PAN3: variants seen among roughly 807,000 people sequenced by gnomAD.
PAN3 encodes the protein poly(A) specific ribonuclease subunit PAN3.
Under a neutral mutation model 96.2 loss-of-function variants are expected in PAN3, and 19 were observed. The ratio of observed to expected loss-of-function variants is 0.20; its 90% CI spans 0.14 to 0.29. PAN3 has a LOEUF of 0.29. Ranked by LOEUF, PAN3 falls within the 10% of genes least tolerant of loss-of-function variation. The pLI is 1.00. For synonymous variants in PAN3, 433 were observed against 406.6 expected (o/e 1.06, Z -0.78); for missense variants, 882 against 1,108.1 (o/e 0.80, Z 2.90).
At chr13:28,164,092 A>C (rs560510509) in intron 1 of PAN3, among the ~76,000 whole-genome samples, 3 of 152,326 alleles carry the variant, frequency 2.0e-5, no homozygotes, top group East Asian at 1.9e-4. Context: ...TCTCAAAAAC[A>C]AAACCAAACC....
Position 28,141,003 on chromosome 13 carries a change from C to CTTTTTATTT in PAN3, c.430+1921_430+1922insATTTTTTTT, listed in dbSNP as rs1424709117. Reference sequence around the variant, plus strand: ...GTTTTCTTACTGACAGAAAGAGACACTTTTTTTTTTTTTTTTTTTGAGACG... The same window carrying CTTTTTATTT: ...GTTTTCTTACTGACAGAAAGAGACACTTTTTATTTTTTTTTTTTTTTTTTTTTTGAGACG... On this transcript the variant is annotated intron_variant, in intron 1 of 18. Transcript: ENST00000380958. Among the ~76,000 whole-genome samples the CTTTTTATTT allele has an allele frequency of 4.3e-4, 49 of 112,902 alleles. 1 individual carries two copies. Among genetic ancestry groups the CTTTTTATTT allele is most frequent in the African/African-American group, 1.5e-3 (41 of 27,552 alleles). The allele number at this position is 112,902 out of a possible 152,430, so 74.1% of individuals were successfully genotyped here.
intron 6 of PAN3, among the ~76,000 whole-genome samples, chr13:28,230,726 A>T (rs1305575484): frequency 6.6e-6 from 1 of 152,172 alleles, no homozygotes; most frequent in South Asian, 2.1e-4. Context: ...TTACATTGTT[A>T]ACTAAATCTT....
chr13:28,194,731 A>G (rs887863003), intron 4 of PAN3, among the ~76,000 whole-genome samples: 6 of 151,836 alleles, frequency 4.0e-5, no homozygotes, highest in African/African-American at 9.7e-5. Flanking sequence ...CCGCCTCCCA[A>G]TGTGCTAGGA....
intron 7 of PAN3, 50 bp downstream of exon 7, chr13:28,256,589 T>C (rs1885162216): frequency 1.3e-6 from 2 of 1,542,566 alleles, no homozygotes; most frequent in East Asian, 4.5e-5. Context: ...TAACAGGACC[T>C]TCTTAGTTGT....
At chr13:28,141,953 C>A (rs978219032) in intron 1 of PAN3, among the ~76,000 whole-genome samples, 5 of 152,178 alleles carry the variant, frequency 3.3e-5, no homozygotes, top group Non-Finnish European at 5.9e-5. Flanking sequence ...GCAGTTAATG[C>A]TGAAAAGGTA....
intron 4 of PAN3, among the ~76,000 whole-genome samples, chr13:28,196,618 A>G (rs1402866346): frequency 6.6e-6 from 1 of 151,856 alleles, no homozygotes; most frequent in African/African-American, 2.4e-5. Context: ...TATTTAAGAT[A>G]GAGTGAGTTG....
At chr13:28,249,787 C>T (rs756470166) in intron 6 of PAN3, among the ~76,000 whole-genome samples, 1 of 152,092 alleles carries the variant, frequency 6.6e-6, no homozygotes, top group African/African-American at 2.4e-5. Flanking sequence ...TTCCTGTCCC[C>T]CTTCAGTGTT....
intron 6 of PAN3, among the ~76,000 whole-genome samples, chr13:28,245,009 C>T (rs556468426): frequency 6.6e-4 from 100 of 151,956 alleles, no homozygotes; most frequent in African/African-American, 2.2e-3. Flanking sequence ...TCACCACGCC[C>T]GGCTTATTTT....
At chr13:28,215,580 G>T (rs1403882747) in intron 5 of PAN3, 3 of 764,650 alleles carry the variant, frequency 3.9e-6, no homozygotes, top group Admixed American at 2.0e-5. Context: ...TGCTGTCTAT[G>T]CCCTTGTACT....
intron 6 of PAN3, among the ~76,000 whole-genome samples, chr13:28,234,373 A>G (rs987111832): frequency 1.3e-5 from 2 of 152,162 alleles, no homozygotes; most frequent in Admixed American, 1.3e-4. Context: ...GAAAACTTTA[A>G]TATATTGTTT....
Position 28,280,555 on chromosome 13 carries a change from ATTTTTTTTTT to A in PAN3, c.2319+29_2319+38del, listed in dbSNP as rs35542876. 50 of 1,150,788 alleles carry A rather than the reference ATTTTTTTTTT, an allele frequency of 4.3e-5. No homozygotes were observed. The highest frequency in any genetic ancestry group is 6.4e-5 in the African/African-American group (3 of 46,748). The allele number at this position is 1,150,788 out of a possible 1,614,324, so 71.3% of individuals were successfully genotyped here. A position where few individuals can be genotyped will look rare whatever the true frequency, so the allele number is the denominator to read the frequency against. On this transcript the variant is annotated intron_variant, in intron 16 of 18. Coordinates refer to ENST00000380958, the MANE Select transcript of PAN3 (RefSeq NM_175854.8). ...GACCTTGCAAAGGTAAAGAGTGTAA[ATTTTTTTTTT>A]TTTTTTTTTTTTTTGAGACAGAGTC... is the stretch of plus-strand genomic sequence containing the variant.
At chr13:28,218,104 A>G (rs910024895) in intron 5 of PAN3, among the ~76,000 whole-genome samples, 4 of 152,072 alleles carry the variant, frequency 2.6e-5, no homozygotes, top group Non-Finnish European at 5.9e-5. Flanking sequence ...TAGATTTTAT[A>G]GTTTTAAAAA....
intron 14 of PAN3, among the ~76,000 whole-genome samples, chr13:28,274,627 C>A (rs541089176): frequency 6.6e-5 from 10 of 151,972 alleles, no homozygotes; most frequent in Non-Finnish European, 1.0e-4. Flanking sequence ...GTTCAGACAA[C>A]CAACTTTAAG....
At chr13:28,217,113 CAAAA>C (rs59698303) in intron 5 of PAN3, among the ~76,000 whole-genome samples, 2,902 of 115,178 alleles carry the variant, frequency 0.025, 103 homozygotes, top group African/African-American at 0.08. Context: ...AACTCTGTCT[CAAAA>C]AAAAAAAAAA....
intron 6 of PAN3, among the ~76,000 whole-genome samples, chr13:28,225,405 A>G (rs186500726): frequency 3.2e-4 from 49 of 152,336 alleles, no homozygotes; most frequent in Non-Finnish European, 5.7e-4. Flanking sequence ...GATTATCTCT[A>G]TGGCATTTCA....
chr13:28,191,757 CAA>C (rs752064769), intron 4 of PAN3, among the ~76,000 whole-genome samples: 3 of 152,132 alleles, frequency 2.0e-5, no homozygotes, highest in Non-Finnish European at 2.9e-5. Context: ...GCTTAGGAAA[CAA>C]TATGTTTATA....
At chr13:28,181,019 T>C (rs1875700881) in intron 4 of PAN3, among the ~76,000 whole-genome samples, 1 of 152,182 alleles carries the variant, frequency 6.6e-6, no homozygotes, top group Non-Finnish European at 1.5e-5. Context: ...AAAGATGTTT[T>C]GAATTGGGTT....
At chr13:28,261,636 T>C (rs951889750) in intron 9 of PAN3, among the ~76,000 whole-genome samples, 178 bp downstream of exon 9, 1 of 152,066 alleles carries the variant, frequency 6.6e-6, no homozygotes, top group African/African-American at 2.4e-5. Context: ...AGTTTGAGAC[T>C]AGCCTGAGCG....
Position 28,266,749 on chromosome 13 carries a change from A to G in PAN3, c.1446A>G (p.Leu482=), listed in dbSNP as rs1886213811. The G allele has an allele frequency of 1.2e-6, 2 of 1,606,438 alleles. No individual in the cohort carries two copies. The highest frequency in any genetic ancestry group is 1.1e-5 in the South Asian group (1 of 89,906). Residue 482 remains leucine, a synonymous_variant, in exon 10 of 19, where the codon CTA becomes CTG. Coordinates refer to ENST00000380958, the MANE Select transcript of PAN3 (RefSeq NM_175854.8). ...CAGAGGTTGACAGCTACCATAGCCT[A>G]TTCCCTCTAGAACCACTGCCACCTC... The part of the protein sequence containing the change: ...VPTEVDSYHS[L]FPLEPLPPPN...
Sources: gnomAD v4.1 joint callset for allele counts (sites outside exome capture counted in the v4.1 genomes callset) on GRCh38, gnomAD v4.1.1 for gene constraint, MANE v1.5 for transcripts, NCBI Gene and HGNC (gene_info 2026-07-23, HGNC 2026-07-21) for gene names.